RAPGEF1: variants seen among roughly 807,000 people sequenced by gnomAD.
RAPGEF1 encodes Rap guanine nucleotide exchange factor 1, also known as CRK SH3-binding GNRP.
In RAPGEF1, 33 loss-of-function variants were observed where a neutral mutation model predicts 143.3. The ratio of observed to expected loss-of-function variants is 0.23; its 90% confidence interval spans 0.17 to 0.31. RAPGEF1 has a LOEUF of 0.31. Among genes scored for constraint, RAPGEF1 ranks in the 10% least tolerant of loss-of-function variants. RAPGEF1 has a pLI of 1.00. For synonymous variants in RAPGEF1, 629 were observed against 676.5 expected, an observed-to-expected ratio of 0.93 and a Z score of 1.09; for missense variants, 1,199 against 1,645.4, an observed-to-expected ratio of 0.73 and a Z score of 4.69.
chr9:131,704,177 G>A (rs999455361), intron 1 of RAPGEF1, among the ~76,000 whole-genome samples: 13 of 151,558 alleles, frequency 8.6e-5, no homozygotes, highest in African/African-American at 2.9e-4. Flanking sequence ...AGAAGGCACT[G>A]AGCCGGTGGT....
At chr9:131,623,733 T>A (rs983994149) in intron 10 of RAPGEF1, among the ~76,000 whole-genome samples, 1 of 152,218 alleles carries the variant, frequency 6.6e-6, no homozygotes, top group Non-Finnish European at 1.5e-5. Flanking sequence ...AAGGCTCGTC[T>A]GGCACAAGGG....
At chr9:131,591,280 G>A (rs975287652) in intron 18 of RAPGEF1, among the ~76,000 whole-genome samples, 6 of 152,226 alleles carry the variant, frequency 3.9e-5, no homozygotes, top group Admixed American at 6.5e-5. Flanking sequence ...AAGGCTCAGG[G>A]CACACAGGAA....
intron 1 of RAPGEF1, among the ~76,000 whole-genome samples, chr9:131,685,312 G>A (rs1007202514): frequency 1.3e-4 from 20 of 152,164 alleles, no homozygotes; most frequent in Admixed American, 3.3e-4. Context: ...GTTGGGAGCA[G>A]GCCCCCCAAA....
chr9:131,699,296 G>A (rs1834449709), intron 1 of RAPGEF1, among the ~76,000 whole-genome samples: 1 of 149,140 alleles, frequency 6.7e-6, no homozygotes, highest in African/African-American at 2.5e-5. Context: ...CCAGGCTGGA[G>A]TGCAATGGCG....
chr9:131,686,543 C>T (rs544849220), intron 1 of RAPGEF1, among the ~76,000 whole-genome samples: 10 of 152,200 alleles, frequency 6.6e-5, no homozygotes, highest in Non-Finnish European at 1.3e-4. Flanking sequence ...ACAAAGTCAC[C>T]ATCCAGGCTG....
chr9:131,597,185 C>T (rs1955449510), intron 16 of RAPGEF1, among the ~76,000 whole-genome samples: 1 of 152,242 alleles, frequency 6.6e-6, no homozygotes, highest in East Asian at 1.9e-4. Context: ...AGCTGCGGTA[C>T]ACACTCCGGG....
At chr9:131,582,548 CA>C (rs981931091) in intron 25 of RAPGEF1, 56 bp downstream of exon 25, 1 of 1,262,844 alleles carries the variant, frequency 7.9e-7, no homozygotes, top group African/African-American at 1.6e-5. Context: ...AGATCTTCCC[CA>C]GAGCAATGGA....
In RAPGEF1 at chr9:131,587,291, G is replaced by A. The variant is rs1243363722; in HGVS notation, c.3233+445C>T. ...AAACACACACACACACCTGCAGAGC[G>A]AGACTCCGTCTCAAACACACACACA... On this transcript the variant is annotated intron_variant, in intron 22 of 26. Coordinates refer to ENST00000683357, the MANE Select transcript of RAPGEF1 (RefSeq NM_001377935.1). Among the ~76,000 whole-genome samples, 5 of 114,946 alleles carry A rather than the reference G, an allele frequency of 4.3e-5. 1 individual carries two copies. Among genetic ancestry groups the A allele is most frequent in the Admixed American group, 8.3e-5 (1 of 12,034 alleles). The allele number at this position is 114,946 out of a possible 152,430, so 75.4% of individuals were successfully genotyped here.
rs1665326213 is a variant in RAPGEF1 at position 131,643,113 on chromosome 9, G to T, written c.494+126C>A. 5.1e-5 allele frequency: 55 copies of T among 1,082,192 alleles called. 2 individuals are homozygous for T. In the South Asian group the frequency reaches 5.7e-4, roughly 11 times the overall value. 67.0% of individuals were successfully genotyped at this position (1,082,192 alleles called of 1,614,324 possible). ...TTGTGGGGGGAGTGGTCAGGGGAAGGATGAGGGGTGATGGAGTCCTTTTCC... is the reference window on the plus strand; with the variant it reads ...TTGTGGGGGGAGTGGTCAGGGGAAGTATGAGGGGTGATGGAGTCCTTTTCC... On this transcript the variant is annotated intron_variant, in intron 4 of 26. Transcript: ENST00000683357.
At chr9:131,647,006 T>C (rs529110325) in intron 3 of RAPGEF1, among the ~76,000 whole-genome samples, 44 of 152,276 alleles carry the variant, frequency 2.9e-4, no homozygotes, top group African/African-American at 1.0e-3. Flanking sequence ...TCTGTCCAAA[T>C]GCCCTCAGAG....
At chr9:131,689,128 A>C (rs1227995963) in intron 1 of RAPGEF1, among the ~76,000 whole-genome samples, 1 of 152,212 alleles carries the variant, frequency 6.6e-6, no homozygotes, top group Non-Finnish European at 1.5e-5. Context: ...GAAAATGGAA[A>C]GATTAATGGT....
intron 22 of RAPGEF1, among the ~76,000 whole-genome samples, chr9:131,587,242 A>ACC (rs1491031966): frequency 8.3e-6 from 1 of 119,814 alleles, no homozygotes; most frequent in African/African-American, 3.4e-5. Flanking sequence ...ACACACACAC[A>ACC]CCTGCAGAGC....
chr9:131,577,214 T>C lies in RAPGEF1; in HGVS notation c.*2283A>G, dbSNP rs1189973007. ...AATAAGTTAGACATACATCGCACCT[T>C]GCCGTCCTCACGCAGGGAGCCCCTG... On this transcript the variant is annotated 3_prime_UTR_variant, in exon 27 of 27. Coordinates refer to ENST00000683357, the MANE Select transcript of RAPGEF1 (RefSeq NM_001377935.1). 1 of 152,338 alleles carries C rather than the reference T, an allele frequency of 6.6e-6. No individual in the cohort carries two copies. Among genetic ancestry groups the C allele is most frequent in the Admixed American group, 6.5e-5 (1 of 15,288 alleles). The allele number at this position is 152,338 out of a possible 1,614,324, so 9.4% of individuals were successfully genotyped here. A position where few individuals can be genotyped will look rare whatever the true frequency, so the allele number is the denominator to read the frequency against.
In RAPGEF1 at chr9:131,650,023, G is replaced by C; in HGVS notation, c.315+106C>G. On this transcript the variant is annotated intron_variant, in intron 3 of 26. Transcript: ENST00000683357. This position sits in a 1 kb window ranked among gnomAD's most constrained non-coding sequence, Gnocchi z 4.7. Reference sequence around the variant, plus strand: ...TTCAGCCCACGGTCACCACCCAGTTGAACATAATAATAGTGCAATAGAGTT... The same window carrying C: ...TTCAGCCCACGGTCACCACCCAGTTCAACATAATAATAGTGCAATAGAGTT... 3 of 887,080 alleles carry C rather than the reference G, an allele frequency of 3.4e-6. No homozygotes were observed. The highest frequency in any genetic ancestry group is 3.6e-5 in the South Asian group (2 of 54,840). The allele number at this position is 887,080 out of a possible 1,614,324, so 55.0% of individuals were successfully genotyped here. A position where few individuals can be genotyped will look rare whatever the true frequency, so the allele number is the denominator to read the frequency against.
At chr9:131,638,390 G>A (rs906972258) in intron 5 of RAPGEF1, among the ~76,000 whole-genome samples, 6 of 152,202 alleles carry the variant, frequency 3.9e-5, no homozygotes, top group East Asian at 3.8e-4. Flanking sequence ...ACGATGCTAC[G>A]AAGACTCACT....
chr9:131,690,919 T>C (rs1833740859), intron 1 of RAPGEF1, among the ~76,000 whole-genome samples: 1 of 152,256 alleles, frequency 6.6e-6, no homozygotes, highest in African/African-American at 2.4e-5. Flanking sequence ...GATGCTTGTC[T>C]CAATGCTTTC....
rs114003327 is a variant in RAPGEF1, at chr9:131,724,318, G to A, written c.61+15452C>T. On this transcript the variant is annotated intron_variant, in intron 1 of 26. Transcript: ENST00000683357. ...TCATGGGAAAAAAGTCCACTCGGCCGGGCACGGTGGCTCACGCCTGTAATC... is the reference window on the plus strand; with the variant it reads ...TCATGGGAAAAAAGTCCACTCGGCCAGGCACGGTGGCTCACGCCTGTAATC... Among the ~76,000 whole-genome samples, 786 of 152,276 alleles carry A rather than the reference G, an allele frequency of 5.2e-3. 6 individuals carry two copies. The highest frequency in any genetic ancestry group is 0.017 in the African/African-American group (709 of 41,554).
Position 131,626,080 on chromosome 9 carries a change from G to C in RAPGEF1, c.1544C>G (p.Pro515Arg). The C allele has an allele frequency of 6.2e-7, 1 of 1,613,966 alleles. No homozygotes were observed. Among genetic ancestry groups the C allele is most frequent in the Non-Finnish European group, 8.5e-7 (1 of 1,179,858 alleles). The stretch of plus-strand genomic sequence containing the variant: ...GGGCGCGTAGGGGACGGATGGGATC[G>C]GGGCTGTGCTCTGCAGGTCCTCCCC... Reference protein sequence around the residue: ...ISGEDLQSTAPIPSVPYAPFA... With the variant: ...ISGEDLQSTARIPSVPYAPFA... The change falls in exon 10 of 27, where the codon CCG becomes CGG. Residue 515 changes from proline to arginine, a missense_variant. Around this residue, in one of 6 missense-constraint regions of RAPGEF1, gnomAD observed 613 missense variants for 710.9 expected, o/e 0.86. Transcript: ENST00000683357.
chr9:131,606,648 G>T (rs943446726), intron 12 of RAPGEF1, among the ~76,000 whole-genome samples: 3 of 152,122 alleles, frequency 2.0e-5, no homozygotes, highest in African/African-American at 7.2e-5. Context: ...TCCTTAAGTA[G>T]TTTTTTGTTT....
Sources: allele counts gnomAD v4.1 joint callset (sites outside exome capture counted in the v4.1 genomes callset), GRCh38; gene constraint gnomAD v4.1.1; regional missense constraint gnomAD v4.1.1; non-coding constraint Gnocchi (gnomAD v3.1); transcripts MANE v1.5; gene names NCBI Gene and HGNC (gene_info 2026-07-23, HGNC 2026-07-21).